ANKFN1: variants seen among roughly 807,000 people sequenced by gnomAD.
ANKFN1 encodes ankyrin repeat and fibronectin type III domain containing 1.
In ANKFN1, 74 loss-of-function variants were observed where a neutral mutation model predicts 108.7. The observed-to-expected ratio is 0.68, with a 90% confidence interval of 0.56 to 0.83. ANKFN1 has a LOEUF of 0.83. Ranked by LOEUF, ANKFN1 falls within the 40% of genes least tolerant of loss-of-function variation. The probability of loss-of-function intolerance (pLI) is 0.00; values close to 1 mark genes in which losing one functional copy is unlikely to be tolerated. For missense variants in ANKFN1, 1,505 were observed against 1,382.3 expected (o/e 1.09, Z -1.41); for synonymous variants, 547 against 516.2 (o/e 1.06, Z -0.81).
intron 15 of ANKFN1, among the ~76,000 whole-genome samples, chr17:56,476,661 A>T (rs991237787): frequency 6.6e-6 from 1 of 152,226 alleles, no homozygotes; most frequent in Non-Finnish European, 1.5e-5. Flanking sequence ...CCAGTTAAGG[A>T]TTTGAAAAAC....
chr17:56,084,214 C>A (rs1598091199), intron 4 of ANKFN1, among the ~76,000 whole-genome samples: 1 of 151,168 alleles, frequency 6.6e-6, no homozygotes, highest in Non-Finnish European at 1.5e-5. Flanking sequence ...ATGGGAGGCA[C>A]CAGAAGGCAA....
chr17:56,421,090 G>T (rs567860843), intron 8 of ANKFN1, among the ~76,000 whole-genome samples: 30 of 152,282 alleles, frequency 2.0e-4, no homozygotes, highest in Admixed American at 6.5e-4. Context: ...AATGGTCTCA[G>T]GGCCTGTTTC....
intron 1 of ANKFN1, among the ~76,000 whole-genome samples, chr17:56,170,524 A>G (rs1374245444): frequency 6.6e-6 from 1 of 151,702 alleles, no homozygotes; most frequent in African/African-American, 2.4e-5. Context: ...GCACCTTGGG[A>G]GGCCAAGGTG....
intron 14 of ANKFN1, 78 bp downstream of exon 14, chr17:56,458,057 G>A: frequency 8.3e-7 from 1 of 1,207,946 alleles, no homozygotes; most frequent in Non-Finnish European, 1.2e-6. Context: ...GTCCTACCTA[G>A]AAAGGAAAAG....
chr17:56,226,786 T>G (rs541651875), intron 2 of ANKFN1, among the ~76,000 whole-genome samples: 1 of 152,314 alleles, frequency 6.6e-6, no homozygotes, highest in Admixed American at 6.5e-5. Context: ...GTTCAATGGC[T>G]TAAGACTTTC....
chr17:56,326,125 C>A (rs1453521978), intron 3 of ANKFN1, 96 bp from the exon 4 acceptor site: 14 of 1,468,570 alleles, frequency 9.5e-6, no homozygotes, highest in Non-Finnish European at 1.2e-5. Context: ...CCCTATGCAT[C>A]ATTTCCTCTT....
chr17:56,069,432 G>A (rs1003458475), intron 4 of ANKFN1, among the ~76,000 whole-genome samples: 2 of 152,168 alleles, frequency 1.3e-5, no homozygotes, highest in Non-Finnish European at 2.9e-5. Context: ...ACACAGGCAC[G>A]AGTATTCCAG....
intron 7 of ANKFN1, among the ~76,000 whole-genome samples, chr17:56,373,527 C>T (rs1234604208): frequency 6.6e-6 from 1 of 152,060 alleles, no homozygotes; most frequent in East Asian, 1.9e-4. Flanking sequence ...TAAACAACAA[C>T]AAAAAAATTA....
At chr17:56,178,022 T>C (rs1423883685) in intron 1 of ANKFN1, among the ~76,000 whole-genome samples, 1 of 152,250 alleles carries the variant, frequency 6.6e-6, no homozygotes, top group African/African-American at 2.4e-5. Flanking sequence ...TGTGTATTAA[T>C]GTAACCAGCC....
intron 4 of ANKFN1, among the ~76,000 whole-genome samples, chr17:56,082,771 G>GT (rs1905263776): frequency 6.6e-6 from 1 of 152,190 alleles, no homozygotes; most frequent in South Asian, 2.1e-4. Flanking sequence ...TGACTTCCTT[G>GT]TTGGTGAGTT....
intron 3 of ANKFN1, among the ~76,000 whole-genome samples, chr17:56,249,366 A>AGAGATTGCAGTAAGCC (rs2043185075): frequency 6.6e-6 from 1 of 152,022 alleles, no homozygotes; most frequent in African/African-American, 2.4e-5. Context: ...CTTGGGAGGC[A>AGAGATTGCAGTAAGCC]GAGATTGCAG....
At chr17:56,165,592 C>T (rs943344988) in intron 1 of ANKFN1, among the ~76,000 whole-genome samples, 1 of 152,124 alleles carries the variant, frequency 6.6e-6, no homozygotes, top group Non-Finnish European at 1.5e-5. Context: ...GCCTCTGAAT[C>T]GGCCACGTGG....
intron 8 of ANKFN1, among the ~76,000 whole-genome samples, chr17:56,382,781 C>A (rs988358063): frequency 6.2e-4 from 94 of 152,252 alleles, no homozygotes; most frequent in African/African-American, 5.8e-4. Context: ...AGAGCTAACT[C>A]TCCTAAATAT....
intron 8 of ANKFN1, among the ~76,000 whole-genome samples, chr17:56,439,623 GAGA>G (rs1239540578): frequency 2.0e-5 from 3 of 152,044 alleles, no homozygotes; most frequent in Admixed American, 6.6e-5. Flanking sequence ...AGCTATCAAG[GAGA>G]AGAAGGAGAG....
At chr17:56,389,341 C>G (rs1424246412) in intron 8 of ANKFN1, among the ~76,000 whole-genome samples, 1 of 152,168 alleles carries the variant, frequency 6.6e-6, no homozygotes, top group Non-Finnish European at 1.5e-5. Flanking sequence ...TTATGTAACA[C>G]TTTTAAAATG....
chr17:56,198,977 G>C (rs1913783383), intron 1 of ANKFN1, among the ~76,000 whole-genome samples: 1 of 152,136 alleles, frequency 6.6e-6, no homozygotes, highest in African/African-American at 2.4e-5. Context: ...ATAAATGTTA[G>C]AATCATTTAG....
chr17:56,421,042 T>TG (rs1485837751), intron 8 of ANKFN1, among the ~76,000 whole-genome samples: 3 of 152,132 alleles, frequency 2.0e-5, no homozygotes, highest in African/African-American at 7.2e-5. Context: ...ATTTGTGTGC[T>TG]GGGGGGCGGG....
At chr17:56,385,150 C>T (rs1371768908) in intron 8 of ANKFN1, among the ~76,000 whole-genome samples, 1 of 151,592 alleles carries the variant, frequency 6.6e-6, no homozygotes, top group Non-Finnish European at 1.5e-5. Context: ...GAACAGAGCC[C>T]TCAGAAATAA....
intron 8 of ANKFN1, among the ~76,000 whole-genome samples, chr17:56,381,490 G>C (rs2047102848): frequency 6.6e-6 from 1 of 152,200 alleles, no homozygotes; most frequent in African/African-American, 2.4e-5. Context: ...ACTACTCCGA[G>C]CTACAGGAGG....
Sources: gnomAD v4.1 joint callset for allele counts (sites outside exome capture counted in the v4.1 genomes callset) on GRCh38, gnomAD v4.1.1 for gene constraint, MANE v1.5 for transcripts, NCBI Gene and HGNC (gene_info 2026-07-23, HGNC 2026-07-21) for gene names.